Variants in CADPS2 observed in about 807,000 individuals in gnomAD.
CADPS2 encodes the protein calcium dependent secretion activator 2.
CADPS2 carries 93 observed loss-of-function variants against 172.5 expected under a neutral mutation model. That is an observed-to-expected ratio of 0.54 (90% CI 0.46 to 0.64). The LOEUF is 0.64. CADPS2 is among the 30% of genes least tolerant of loss of function. The pLI, the probability that CADPS2 is intolerant of heterozygous loss-of-function variation, is 0.00. For synonymous variants in CADPS2, 546 were observed against 555.2 expected, an observed-to-expected ratio of 0.98 and a Z score of 0.23; for missense variants, 1,420 against 1,565.9, an observed-to-expected ratio of 0.91 and a Z score of 1.57.
chr7:122,720,572 A>T (rs1310528585), intron 2 of CADPS2, among the ~76,000 whole-genome samples: 1 of 150,524 alleles, frequency 6.6e-6, no homozygotes, highest in African/African-American at 2.4e-5. Context: ...GTCTGTATAT[A>T]CATACACATG....
intron 1 of CADPS2, among the ~76,000 whole-genome samples, chr7:122,843,547 C>T (rs1811162342): frequency 6.6e-6 from 1 of 152,162 alleles, no homozygotes; most frequent in African/African-American, 2.4e-5. Context: ...AACCCCAGCA[C>T]AGCAAACAAT....
intron 1 of CADPS2, among the ~76,000 whole-genome samples, chr7:122,767,034 CA>C (rs2093573148): frequency 1.3e-5 from 2 of 152,126 alleles, no homozygotes; most frequent in Admixed American, 1.3e-4. Context: ...ATACTTAATA[CA>C]AAAATCATTG....
chr7:122,391,045 T>C (rs2044302840), intron 22 of CADPS2, among the ~76,000 whole-genome samples: 1 of 152,090 alleles, frequency 6.6e-6, no homozygotes, highest in Non-Finnish European at 1.5e-5. Flanking sequence ...GTTGCTTTTA[T>C]ATTCTTCTTA....
intron 24 of CADPS2, among the ~76,000 whole-genome samples, chr7:122,385,070 A>G (rs2043457375): frequency 6.6e-6 from 1 of 152,088 alleles, no homozygotes; most frequent in African/African-American, 2.4e-5. Context: ...AACCTAAGAT[A>G]ATATTCTCAG....
intron 1 of CADPS2, among the ~76,000 whole-genome samples, chr7:122,831,241 A>T (rs1806447815): frequency 6.6e-6 from 1 of 152,168 alleles, no homozygotes; most frequent in Non-Finnish European, 1.5e-5. Flanking sequence ...TCACACCATC[A>T]AGAAAGGTGT....
At chr7:122,394,682 C>A (rs2151507961) in intron 20 of CADPS2, among the ~76,000 whole-genome samples, 1 of 151,746 alleles carries the variant, frequency 6.6e-6, no homozygotes, top group East Asian at 1.9e-4. Flanking sequence ...GCCAGAGTAA[C>A]TGCAATAGAC....
At chr7:122,420,494 G>A (rs1245773423) in intron 17 of CADPS2, among the ~76,000 whole-genome samples, 1 of 152,138 alleles carries the variant, frequency 6.6e-6, no homozygotes, top group Non-Finnish European at 1.5e-5. Context: ...CCCGTCTCTG[G>A]TTTCACCCAT....
chr7:122,586,254 T>TG (rs1284025052), intron 6 of CADPS2, among the ~76,000 whole-genome samples: 2 of 151,982 alleles, frequency 1.3e-5, no homozygotes, highest in African/African-American at 2.4e-5. Flanking sequence ...CCTATCCCCT[T>TG]GGGATTTCTA....
chr7:122,710,102 T>C (rs1473133556), intron 2 of CADPS2, among the ~76,000 whole-genome samples: 1 of 146,852 alleles, frequency 6.8e-6, no homozygotes, highest in Non-Finnish European at 1.5e-5. Context: ...AAAATCTTCC[T>C]AAGCCACAAT....
At chr7:122,520,309 C>T (rs932625539) in intron 8 of CADPS2, among the ~76,000 whole-genome samples, 2 of 151,300 alleles carry the variant, frequency 1.3e-5, no homozygotes, top group African/African-American at 4.8e-5. Flanking sequence ...TTTTAAAATG[C>T]TTGTCTTTAC....
At chr7:122,875,352 T>C (rs1231073360) in intron 1 of CADPS2, among the ~76,000 whole-genome samples, 1 of 152,200 alleles carries the variant, frequency 6.6e-6, no homozygotes, top group African/African-American at 2.4e-5. Flanking sequence ...ATTGTAAGCA[T>C]ATACTCATGA....
chr7:122,754,310 T>C (rs1409026235), intron 1 of CADPS2, among the ~76,000 whole-genome samples: 1 of 152,184 alleles, frequency 6.6e-6, no homozygotes, highest in African/African-American at 2.4e-5. Context: ...TGCTTTTGTT[T>C]TATTTGTTAA....
At chr7:122,666,413 G>A (rs528490115) in intron 2 of CADPS2, among the ~76,000 whole-genome samples, 40 of 149,328 alleles carry the variant, frequency 2.7e-4, no homozygotes, top group Non-Finnish European at 7.4e-5. Context: ...GCACCATGTC[G>A]GTTCACTGCA....
At chr7:122,837,066 A>G (rs1392284379) in intron 1 of CADPS2, among the ~76,000 whole-genome samples, 1 of 152,252 alleles carries the variant, frequency 6.6e-6, no homozygotes, top group Non-Finnish European at 1.5e-5. Context: ...AACATAAATT[A>G]TAACAAACTG....
chr7:122,556,607 A>G (rs2065060196), intron 7 of CADPS2, among the ~76,000 whole-genome samples: 4 of 152,144 alleles, frequency 2.6e-5, no homozygotes, highest in Admixed American at 2.6e-4. Context: ...AAAATAACTG[A>G]TTTTGGCTGA....
At chr7:122,882,073 G>C (rs1823064067) in intron 1 of CADPS2, among the ~76,000 whole-genome samples, 1 of 152,124 alleles carries the variant, frequency 6.6e-6, no homozygotes, top group South Asian at 2.1e-4. Context: ...CCACTTTATA[G>C]TAGTTACAAC....
At chr7:122,445,459 T>C (rs1375318679) in intron 15 of CADPS2, among the ~76,000 whole-genome samples, 1 of 152,126 alleles carries the variant, frequency 6.6e-6, no homozygotes, top group Non-Finnish European at 1.5e-5. Context: ...TTTATTGTTA[T>C]TGTAAATGAT....
At chr7:122,883,713 G>A (rs1320030850) in intron 1 of CADPS2, among the ~76,000 whole-genome samples, 1 of 152,128 alleles carries the variant, frequency 6.6e-6, no homozygotes, top group Non-Finnish European at 1.5e-5. Flanking sequence ...GGGGAGGGTT[G>A]AGTAAAGTAA....
At chr7:122,524,776 T>C (rs942252282) in intron 8 of CADPS2, among the ~76,000 whole-genome samples, 1 of 152,230 alleles carries the variant, frequency 6.6e-6, no homozygotes, top group African/African-American at 2.4e-5. Flanking sequence ...TTTTACATTG[T>C]TTGGAATTAA....
Sources: allele counts gnomAD v4.1 joint callset (sites outside exome capture counted in the v4.1 genomes callset), GRCh38; gene constraint gnomAD v4.1.1; transcripts MANE v1.5; gene names NCBI Gene and HGNC (gene_info 2026-07-23, HGNC 2026-07-21).